The following SNTG1 variants were observed in gnomAD, a reference collection of about 807,000 sequenced individuals.
SNTG1 encodes the protein gamma-1-syntrophin.
A neutral mutation model predicts 74.7 loss-of-function variants in SNTG1; 39 were observed. That is an observed-to-expected ratio of 0.52 (90% confidence interval 0.40 to 0.68). The LOEUF (loss-of-function observed/expected upper bound fraction) is 0.68. Ranked by LOEUF, SNTG1 falls within the 30% of genes least tolerant of loss-of-function variation. The pLI, the probability that SNTG1 is intolerant of heterozygous loss-of-function variation, is 0.00. For missense variants in SNTG1, 685 were observed against 609.5 expected, an observed-to-expected ratio of 1.12 and a Z score of -1.30; for synonymous variants, 254 against 217.1, an observed-to-expected ratio of 1.17 and a Z score of -1.49.
chr8:50,594,095 G>A lies in SNTG1; in HGVS notation c.849+3178G>A, dbSNP rs550824344. On this transcript the variant is annotated intron_variant, in intron 13 of 18. Transcript: ENST00000642720. ...ACTTTCTGTTGAAAAGATGAAAGGC[G>A]GGACAGTTGTCTTGCTGATGAACAA... is the stretch of plus-strand genomic sequence containing the variant. 2.6e-4 allele frequency among the ~76,000 whole-genome samples: 40 copies of A among 152,210 alleles called. No individual in the cohort carries two copies. In the South Asian group the frequency reaches 8.1e-3, roughly 31 times the overall value.
intron 2 of SNTG1, among the ~76,000 whole-genome samples, chr8:50,258,646 A>G (rs1258506633): frequency 6.6e-6 from 1 of 152,188 alleles, no homozygotes; most frequent in African/African-American, 2.4e-5. Flanking sequence ...AAAACGAACT[A>G]TTCACTCATG....
At chr8:50,331,876 G>C (rs1351893643) in intron 2 of SNTG1, among the ~76,000 whole-genome samples, 2 of 152,128 alleles carry the variant, frequency 1.3e-5, no homozygotes, top group Non-Finnish European at 2.9e-5. Flanking sequence ...GGAGAAGACA[G>C]CAGAAAAAAG....
intron 1 of SNTG1, among the ~76,000 whole-genome samples, chr8:50,111,553 C>T (rs561855764): frequency 1.4e-4 from 22 of 152,208 alleles, no homozygotes; most frequent in Middle Eastern, 3.4e-3. Context: ...CTTCCAGCCT[C>T]CAGAAATATG....
chr8:50,045,195 A>G (rs1367479589), intron 1 of SNTG1, among the ~76,000 whole-genome samples: 4 of 152,184 alleles, frequency 2.6e-5, no homozygotes, highest in East Asian at 1.9e-4. Flanking sequence ...TTGCCTTACT[A>G]TAAAGAAATA....
chr8:50,160,180 A>C (rs561619039), intron 1 of SNTG1, among the ~76,000 whole-genome samples: 24 of 152,272 alleles, frequency 1.6e-4, no homozygotes, highest in African/African-American at 5.5e-4. Context: ...AAAATTTACT[A>C]ATCTTTAGGG....
chr8:50,414,670 G>A (rs1476991833), intron 4 of SNTG1, among the ~76,000 whole-genome samples: 4 of 151,832 alleles, frequency 2.6e-5, no homozygotes, highest in South Asian at 4.2e-4. Flanking sequence ...TTTATTGTGT[G>A]TTGTCTTGGA....
chr8:50,429,082 C>G (rs1454503616), intron 4 of SNTG1, among the ~76,000 whole-genome samples: 1 of 150,806 alleles, frequency 6.6e-6, no homozygotes, highest in Non-Finnish European at 1.5e-5. Context: ...CAAAATTGAT[C>G]TACATTATAA....
At position 50,543,277 on chromosome 8, in the gene SNTG1, G is replaced by C. The variant is rs780708593; in HGVS notation, c.680+6469G>C. Reference sequence around the variant, plus strand: ...GTGTATGGTGAGGGATAGGGCTCTAGTTTCATTCTTCTGCATATGGATCTT... The same window carrying C: ...GTGTATGGTGAGGGATAGGGCTCTACTTTCATTCTTCTGCATATGGATCTT... On this transcript the variant is annotated intron_variant, in intron 11 of 18. Transcript: ENST00000642720. Among the ~76,000 whole-genome samples, 3 of 152,260 alleles carry C rather than the reference G, an allele frequency of 2.0e-5. No individual in the cohort carries two copies. The East Asian group carries it at 5.8e-4, about 29-fold the overall frequency.
chr8:50,076,422 A>C (rs1356097205), intron 1 of SNTG1, among the ~76,000 whole-genome samples: 1 of 152,218 alleles, frequency 6.6e-6, no homozygotes, highest in East Asian at 1.9e-4. Flanking sequence ...CAATGCAATG[A>C]ATTGGTCCAG....
At chr8:50,625,072 A>G (rs1209417674) in intron 13 of SNTG1, among the ~76,000 whole-genome samples, 1 of 152,178 alleles carries the variant, frequency 6.6e-6, no homozygotes, top group East Asian at 1.9e-4. Context: ...ATCACTACAG[A>G]TTAATGATAA....
At chr8:50,256,303 G>A (rs964376926) in intron 2 of SNTG1, among the ~76,000 whole-genome samples, 1 of 151,732 alleles carries the variant, frequency 6.6e-6, no homozygotes. Flanking sequence ...TTTAAGAGAT[G>A]AAAAATAAAG....
intron 1 of SNTG1, among the ~76,000 whole-genome samples, chr8:49,913,583 T>C (rs1006728502): frequency 6.6e-6 from 1 of 152,176 alleles, no homozygotes; most frequent in African/African-American, 2.4e-5. Context: ...ACTGAGCTCC[T>C]TGGGGGCTCC....
intron 17 of SNTG1, among the ~76,000 whole-genome samples, chr8:50,727,987 G>T (rs1374416912): frequency 6.6e-6 from 1 of 152,130 alleles, no homozygotes; most frequent in Non-Finnish European, 1.5e-5. Flanking sequence ...GCACCAGAAA[G>T]CACCGTGGCT....
intron 13 of SNTG1, among the ~76,000 whole-genome samples, chr8:50,642,109 C>A (rs1167531791): frequency 6.6e-6 from 1 of 152,164 alleles, no homozygotes; most frequent in African/African-American, 2.4e-5. Flanking sequence ...AAAATCCTAT[C>A]TTTTAATGGC....
chr8:50,386,896 T>C (rs2092583620), intron 2 of SNTG1, among the ~76,000 whole-genome samples: 1 of 152,132 alleles, frequency 6.6e-6, no homozygotes, highest in Non-Finnish European at 1.5e-5. Flanking sequence ...TGGACGAACA[T>C]TCAAACCTTC....
At chr8:50,537,142 T>C (rs1282668566) in intron 11 of SNTG1, among the ~76,000 whole-genome samples, 1 of 152,178 alleles carries the variant, frequency 6.6e-6, no homozygotes, top group Non-Finnish European at 1.5e-5. Context: ...TCACTTATTT[T>C]GAGGCAAGGT....
At chr8:50,037,179 A>G (rs992327075) in intron 1 of SNTG1, among the ~76,000 whole-genome samples, 1 of 152,238 alleles carries the variant, frequency 6.6e-6, no homozygotes, top group Non-Finnish European at 1.5e-5. Context: ...TATTTTCACA[A>G]TTTAATTAGT....
At chr8:50,779,715 C>T (rs1487814700) in intron 18 of SNTG1, among the ~76,000 whole-genome samples, 1 of 151,770 alleles carries the variant, frequency 6.6e-6, no homozygotes, top group African/African-American at 2.4e-5. Context: ...TGCCTAATTG[C>T]CCTGGCCAGA....
chr8:50,518,617 G>T (rs1038346342), intron 9 of SNTG1, among the ~76,000 whole-genome samples: 1 of 152,066 alleles, frequency 6.6e-6, no homozygotes. Context: ...TATGATAAAG[G>T]AGATATCACC....
Sources: allele counts gnomAD v4.1 joint callset (sites outside exome capture counted in the v4.1 genomes callset), GRCh38; gene constraint gnomAD v4.1.1; transcripts MANE v1.5; gene names NCBI Gene and HGNC (gene_info 2026-07-23, HGNC 2026-07-21).